The following MYO16 variants were observed in gnomAD, a reference collection of about 807,000 sequenced individuals.
The protein encoded by MYO16 is unconventional myosin-XVI.
In MYO16, 94 loss-of-function variants were observed where a neutral mutation model predicts 205.3. That is an observed-to-expected ratio of 0.46 (90% confidence interval 0.39 to 0.54). The LOEUF (loss-of-function observed/expected upper bound fraction) is 0.54, where lower values mean the gene tolerates loss of function less well. Ranked by LOEUF, MYO16 falls within the 20% of genes least tolerant of loss-of-function variation. MYO16 has a pLI of 0.00. For missense variants in MYO16, 2,315 were observed against 2,387.5 expected (o/e 0.97, Z 0.63); for synonymous variants, 988 against 954.0 (o/e 1.04, Z -0.66).
At chr13:109,047,516 T>C (rs1887086932) in intron 24 of MYO16, among the ~76,000 whole-genome samples, 1 of 152,180 alleles carries the variant, frequency 6.6e-6, no homozygotes, top group African/African-American at 2.4e-5. Flanking sequence ...GCATTAATAC[T>C]TTATATGCAT....
chr13:108,526,599 A>G, the MYO16 span, among the ~76,000 whole-genome samples: 1 of 152,216 alleles, frequency 6.6e-6, no homozygotes. Flanking sequence ...TAGAATCTTT[A>G]CAAACGAAAT....
chr13:108,972,210 T>TCC (rs1884045090), intron 20 of MYO16, among the ~76,000 whole-genome samples: 1 of 6,004 alleles, frequency 1.7e-4, no homozygotes, highest in Non-Finnish European at 3.3e-4. Flanking sequence ...ACCCTGTCTC[T>TCC]CTCTCTCTCT....
intron 2 of MYO16, among the ~76,000 whole-genome samples, chr13:108,668,227 T>A (rs1252896245): frequency 6.6e-6 from 1 of 152,242 alleles, no homozygotes; most frequent in Non-Finnish European, 1.5e-5. Flanking sequence ...TCTGAATTAA[T>A]GCTTTCTAAG....
At chr13:109,134,009 GACC>G (rs1486967115) in intron 31 of MYO16, among the ~76,000 whole-genome samples, 2 of 152,150 alleles carry the variant, frequency 1.3e-5, no homozygotes, top group African/African-American at 4.8e-5. Context: ...CTGAACCCCA[GACC>G]ACACTTTAAG....
intron 4 of MYO16, among the ~76,000 whole-genome samples, chr13:108,730,671 A>G (rs1409653413): frequency 1.3e-5 from 2 of 152,188 alleles, no homozygotes; most frequent in African/African-American, 4.8e-5. Flanking sequence ...TGTTGAGGCT[A>G]AGCAGCATCT....
rs189477327 is a variant in MYO16, at chr13:109,147,109, C to T, written c.5164+5733C>T. Among the ~76,000 whole-genome samples, 305 of 152,046 alleles carry T rather than the reference C, an allele frequency of 2.0e-3. 1 individual carries two copies. The highest frequency in any genetic ancestry group is 7.0e-3 in the African/African-American group (291 of 41,448). ...ACAAAATAATTCTTGGGCTAGCATT[C>T]CACCAAGCAATGTGACTCTGCAAAT... On this transcript the variant is annotated intron_variant, in intron 32 of 34. Coordinates refer to ENST00000457511, the MANE Select transcript of MYO16 (RefSeq NM_001198950.3).
rs116713521 is a variant in MYO16 at position 108,956,806 on chromosome 13, C to G, written c.1926-882C>G. Among the ~76,000 whole-genome samples, 1,405 of 152,214 alleles carry G rather than the reference C, an allele frequency of 9.2e-3. 14 individuals are homozygous for G. Among genetic ancestry groups the G allele is most frequent in the Middle Eastern group, 0.041 (12 of 294 alleles). ...CCCTTCCTGCACACTTATACCTAGA[C>G]TCTATCTCTCTGATTTTACCTCCCT... On this transcript the variant is annotated intron_variant, in intron 16 of 34. Transcript: ENST00000457511.
intron 33 of MYO16, 51 bp from the exon 34 acceptor site, chr13:109,179,490 AT>A: frequency 8.5e-7 from 1 of 1,171,818 alleles, no homozygotes; most frequent in Middle Eastern, 1.9e-4. Context: ...GACTTACTTT[AT>A]TTGGAACAAG....
chr13:108,766,153 G>C (rs2139666341), intron 4 of MYO16, among the ~76,000 whole-genome samples: 1 of 152,254 alleles, frequency 6.6e-6, no homozygotes, highest in East Asian at 1.9e-4. Context: ...TGTGCTTCTA[G>C]TTTTTTCTCT....
At chr13:108,772,299 A>G (rs1885992538) in intron 4 of MYO16, among the ~76,000 whole-genome samples, 1 of 152,038 alleles carries the variant, frequency 6.6e-6, no homozygotes, top group Middle Eastern at 3.2e-3. Context: ...GCAGTGAACC[A>G]TGATAGCACC....
chr13:108,523,241 A>G, the MYO16 span, among the ~76,000 whole-genome samples: 50 of 152,306 alleles, frequency 3.3e-4, no homozygotes, highest in Non-Finnish European at 5.6e-4. Flanking sequence ...GTGAGCAAGA[A>G]GCTCAACTCC....
chr13:108,659,209 T>C (rs1881381645), intron 1 of MYO16: 1 of 153,776 alleles, frequency 6.5e-6, no homozygotes, highest in Non-Finnish European at 1.4e-5. Context: ...TGTGTGTGTG[T>C]GTGTGTATAT....
At chr13:108,641,489 C>G (rs1880501247) in intron 1 of MYO16, among the ~76,000 whole-genome samples, 1 of 151,990 alleles carries the variant, frequency 6.6e-6, no homozygotes, top group African/African-American at 2.4e-5. Flanking sequence ...TTGAAGTGGG[C>G]CAGCAACAAA....
chr13:108,580,509 T>G, the MYO16 span, among the ~76,000 whole-genome samples: 1 of 152,256 alleles, frequency 6.6e-6, no homozygotes, highest in African/African-American at 2.4e-5. Context: ...TCAATTTATC[T>G]GTTTATTTGG....
At chr13:108,573,408 CT>C in the MYO16 span, among the ~76,000 whole-genome samples, 1 of 152,128 alleles carries the variant, frequency 6.6e-6, no homozygotes, top group East Asian at 1.9e-4. Flanking sequence ...AAAAATGCTA[CT>C]TAAGCTCAAA....
At chr13:108,819,369 C>A (rs191369340) in intron 7 of MYO16, among the ~76,000 whole-genome samples, 1 of 152,022 alleles carries the variant, frequency 6.6e-6, no homozygotes, top group Admixed American at 6.6e-5. Flanking sequence ...AGAATCTATA[C>A]GATAGGATTT....
intron 23 of MYO16, 119 bp downstream of exon 23, chr13:109,020,030 A>G: frequency 2.2e-6 from 2 of 914,768 alleles, no homozygotes; most frequent in South Asian, 1.8e-5. Context: ...AGCTGGATGA[A>G]CAACCCACAA....
intron 4 of MYO16, among the ~76,000 whole-genome samples, chr13:108,769,634 G>T (rs1295581751): frequency 1.3e-5 from 2 of 152,196 alleles, no homozygotes; most frequent in African/African-American, 4.8e-5. Flanking sequence ...TTAAGCAACC[G>T]CTAGAGCAAT....
intron 21 of MYO16, among the ~76,000 whole-genome samples, chr13:108,998,206 G>A (rs530075112): frequency 8.5e-5 from 13 of 152,258 alleles, no homozygotes; most frequent in South Asian, 6.2e-4. Context: ...CTTCACATGC[G>A]TTATCACATT....
Sources: gnomAD v4.1 joint callset for allele counts (sites outside exome capture counted in the v4.1 genomes callset) on GRCh38, gnomAD v4.1.1 for gene constraint, MANE v1.5 for transcripts, NCBI Gene and HGNC (gene_info 2026-07-23, HGNC 2026-07-21) for gene names.